Variants in SEMA3E observed in about 807,000 individuals in gnomAD.
SEMA3E encodes semaphorin 3E.
Under a neutral mutation model 93.6 loss-of-function variants are expected in SEMA3E, and 49 were observed. The observed-to-expected ratio is 0.52, with a 90% CI of 0.42 to 0.66. SEMA3E has a LOEUF of 0.66. Ranked by LOEUF, SEMA3E falls within the 30% of genes least tolerant of loss-of-function variation. The pLI is 0.00. For missense variants in SEMA3E, 906 were observed against 964.8 expected (o/e 0.94, Z 0.81); for synonymous variants, 363 against 330.7 (o/e 1.10, Z -1.06).
intron 4 of SEMA3E, among the ~76,000 whole-genome samples, chr7:83,441,557 T>C (rs1227587905): frequency 1.3e-5 from 2 of 152,210 alleles, no homozygotes; most frequent in South Asian, 4.1e-4. Context: ...ATGACAATGA[T>C]AGCTATAGTC....
chr7:83,587,908 AAATT>A (rs1336756596), intron 1 of SEMA3E, among the ~76,000 whole-genome samples: 1 of 152,110 alleles, frequency 6.6e-6, no homozygotes, highest in African/African-American at 2.4e-5. Flanking sequence ...AAGCAGGAAT[AAATT>A]CTATATTTTT....
rs555619771 is a variant in SEMA3E, at chr7:83,647,607, G to C, written c.115+821C>G. On this transcript the variant is annotated intron_variant, in intron 1 of 16. Coordinates refer to ENST00000643230, the MANE Select transcript of SEMA3E (RefSeq NM_012431.3). ...GAATTACCAAACCTATTCATGACTG[G>C]CTTGTATTGGTCCTGATGCAAAATC... Among the ~76,000 whole-genome samples, 3 of 152,142 alleles carry C rather than the reference G, an allele frequency of 2.0e-5. No individual in the cohort carries two copies. The East Asian group carries it at 5.8e-4, about 29-fold the overall frequency.
intron 1 of SEMA3E, among the ~76,000 whole-genome samples, chr7:83,565,995 CTTT>C (rs750248438): frequency 6.2e-5 from 7 of 112,732 alleles, no homozygotes; most frequent in African/African-American, 2.2e-4. Context: ...TGTTTCCACT[CTTT>C]TTTTTTTTTT....
chr7:83,536,655 A>G (rs1168020163), intron 1 of SEMA3E, among the ~76,000 whole-genome samples: 2 of 152,138 alleles, frequency 1.3e-5, no homozygotes, highest in Non-Finnish European at 2.9e-5. Flanking sequence ...CTTTGGGAAG[A>G]TTAGCTAAAT....
intron 1 of SEMA3E, among the ~76,000 whole-genome samples, chr7:83,590,912 G>A (rs1792744415): frequency 6.6e-6 from 1 of 152,022 alleles, no homozygotes; most frequent in Admixed American, 6.6e-5. Context: ...GTTACTTGAA[G>A]TTTAAAGCAT....
chr7:83,568,573 T>C (rs921312644), intron 1 of SEMA3E, among the ~76,000 whole-genome samples: 3 of 152,110 alleles, frequency 2.0e-5, no homozygotes, highest in Non-Finnish European at 2.9e-5. Flanking sequence ...GATTAACATA[T>C]GCAAACCAAT....
chr7:83,540,726 ATC>A (rs1270249437), intron 1 of SEMA3E, among the ~76,000 whole-genome samples: 19 of 152,208 alleles, frequency 1.2e-4, no homozygotes, highest in African/African-American at 4.1e-4. Flanking sequence ...CTGTGTATGT[ATC>A]TCTGAGTGTG....
chr7:83,637,916 T>C (rs1337067594), intron 1 of SEMA3E, among the ~76,000 whole-genome samples: 4 of 152,100 alleles, frequency 2.6e-5, no homozygotes, highest in Non-Finnish European at 5.9e-5. Context: ...AGGAAATTGT[T>C]GTATTCTGTC....
At chr7:83,415,292 A>C (rs975157270) in intron 5 of SEMA3E, among the ~76,000 whole-genome samples, 1 of 152,128 alleles carries the variant, frequency 6.6e-6, no homozygotes, top group Admixed American at 6.6e-5. Flanking sequence ...CAGTAGGAGT[A>C]ATCACACTGG....
chr7:83,409,839 T>G (rs2115660306), intron 5 of SEMA3E, among the ~76,000 whole-genome samples: 1 of 151,784 alleles, frequency 6.6e-6, no homozygotes, highest in South Asian at 2.1e-4. Flanking sequence ...TTTAAAGCTT[T>G]GGAAAACTTC....
At chr7:83,643,561 G>A (rs543209407) in intron 1 of SEMA3E, among the ~76,000 whole-genome samples, 1 of 151,820 alleles carries the variant, frequency 6.6e-6, no homozygotes, top group Non-Finnish European at 1.5e-5. Context: ...ATAATTCATA[G>A]AAACATTTGG....
At chr7:83,551,469 TAA>T (rs145287344) in intron 1 of SEMA3E, among the ~76,000 whole-genome samples, 3,725 of 151,724 alleles carry the variant, frequency 0.025, 148 homozygotes, top group African/African-American at 0.085. Context: ...AACAAAACAA[TAA>T]GAGTGATAAA....
At chr7:83,454,272 A>AAAAAATAT (rs1257792756) in intron 4 of SEMA3E, among the ~76,000 whole-genome samples, 3 of 110,136 alleles carry the variant, frequency 2.7e-5, no homozygotes, top group African/African-American at 1.3e-4. Flanking sequence ...AAAAAAAAAA[A>AAAAAATAT]ATATATATAT....
chr7:83,608,153 C>G (rs1793165917), intron 1 of SEMA3E, among the ~76,000 whole-genome samples: 1 of 151,906 alleles, frequency 6.6e-6, no homozygotes, highest in African/African-American at 2.4e-5. Context: ...GCAGAGGTTA[C>G]AGTAAGCCAA....
chr7:83,491,632 A>C (rs1247990354), intron 1 of SEMA3E, among the ~76,000 whole-genome samples: 1 of 152,020 alleles, frequency 6.6e-6, no homozygotes, highest in East Asian at 1.9e-4. Context: ...AATAATAGGT[A>C]TAACACATAA....
intron 12 of SEMA3E, 71 bp downstream of exon 12, chr7:83,396,567 T>C (rs1287573421): frequency 6.6e-6 from 6 of 905,882 alleles, no homozygotes; most frequent in Non-Finnish European, 1.1e-5. Flanking sequence ...ATGGACATAG[T>C]ATCTTTCCTA....
chr7:83,594,497 C>G (rs1406269751), intron 1 of SEMA3E, among the ~76,000 whole-genome samples: 1 of 152,104 alleles, frequency 6.6e-6, no homozygotes, highest in Non-Finnish European at 1.5e-5. Flanking sequence ...CCTACTGGGT[C>G]TCCCCCAGAT....
chr7:83,374,968 A>T (rs1311353062), intron 16 of SEMA3E, among the ~76,000 whole-genome samples: 1 of 152,134 alleles, frequency 6.6e-6, no homozygotes, highest in African/African-American at 2.4e-5. Context: ...GCAAAAAATA[A>T]AAACCAAAAA....
chr7:83,396,682 C>A lies in SEMA3E; in HGVS notation c.1414G>T (p.Glu472Ter). Residue 472 changes from glutamate to a stop codon, truncating the protein, a stop_gained, in exon 12 of 17, where the codon GAA becomes TAA. Coordinates refer to ENST00000643230, the MANE Select transcript of SEMA3E (RefSeq NM_012431.3). LOFTEE classifies it high-confidence loss of function. The part of the protein sequence containing the change: ...KVITIYNQEM[E>*]SMEEVILEEL... The stretch of plus-strand genomic sequence containing the variant: ...TCTAGAATTACTTCTTCCATTGATT[C>A]CATTTCTTGGTTGTAAATTGTGATT... 1 of 1,609,196 alleles carries A rather than the reference C, an allele frequency of 6.2e-7. No individual in the cohort carries two copies. Among genetic ancestry groups the A allele is most frequent in the Non-Finnish European group, 8.5e-7 (1 of 1,176,848 alleles).
Sources: gnomAD v4.1 joint callset for allele counts (sites outside exome capture counted in the v4.1 genomes callset) on GRCh38, gnomAD v4.1.1 for gene constraint, MANE v1.5 for transcripts, NCBI Gene and HGNC (gene_info 2026-07-23, HGNC 2026-07-21) for gene names.